Variants in PLAGL1 observed in about 807,000 individuals in gnomAD.
PLAGL1 encodes zinc finger protein PLAGL1.
A neutral mutation model predicts 4.6 loss-of-function variants in PLAGL1; 1 was observed. The ratio of observed to expected loss-of-function variants is 0.22; its 90% CI spans 0.08 to 1.03. The LOEUF (loss-of-function observed/expected upper bound fraction) is 1.03. Among genes scored for constraint, PLAGL1 ranks in the 50% least tolerant of loss-of-function variants. PLAGL1 has a pLI of 0.58. For synonymous variants in PLAGL1, 240 were observed against 237.8 expected, an observed-to-expected ratio of 1.01 and a Z score of -0.08; for missense variants, 464 against 570.4, an observed-to-expected ratio of 0.81 and a Z score of 1.90.
intron 1 of PLAGL1, among the ~76,000 whole-genome samples, chr6:144,062,727 G>A (rs955529444): frequency 6.6e-6 from 1 of 152,038 alleles, no homozygotes; most frequent in African/African-American, 2.4e-5. Context: ...TAACAGAGAG[G>A]GCTAGGGCAA....
At chr6:143,992,613 G>C (rs1267981381) in intron 1 of PLAGL1, among the ~76,000 whole-genome samples, 1 of 152,204 alleles carries the variant, frequency 6.6e-6, no homozygotes, top group African/African-American at 2.4e-5. Context: ...AACATATCTG[G>C]TAAAACATTT....
chr6:144,044,817 T>A (rs1191600957), intron 1 of PLAGL1, among the ~76,000 whole-genome samples: 1 of 152,166 alleles, frequency 6.6e-6, no homozygotes, highest in Non-Finnish European at 1.5e-5. Flanking sequence ...AGTCTCTTTT[T>A]AGGTCTCTAA....
intron 1 of PLAGL1, among the ~76,000 whole-genome samples, chr6:144,044,357 C>T (rs1177273099): frequency 3.3e-5 from 5 of 152,172 alleles, no homozygotes; most frequent in Admixed American, 6.5e-5. Flanking sequence ...AAACGTGTCC[C>T]GGAGATTCTG....
At chr6:144,044,006 G>A (rs1010102135) in intron 1 of PLAGL1, among the ~76,000 whole-genome samples, 16 of 152,260 alleles carry the variant, frequency 1.1e-4, no homozygotes, top group Admixed American at 4.6e-4. Context: ...TTGTATTTCC[G>A]TGGGATCATT....
rs1307030570 is a variant in PLAGL1, at chr6:144,022,676, G to GT, written c.-151+41791dup. ...AGATCTGATGGTTTTATGAAAGGGA[G>GT]TTCCCTTGCACAAGCTCTCTTGCCT... On this transcript the variant is annotated intron_variant, in intron 1 of 3. Transcript: ENST00000437412. This position sits in a 1 kb window ranked among gnomAD's most constrained non-coding sequence, Gnocchi z 4.2. 1.3e-5 allele frequency among the ~76,000 whole-genome samples: 2 copies of GT among 152,148 alleles called. No homozygotes were observed. The highest frequency in any genetic ancestry group is 2.4e-5 in the African/African-American group (1 of 41,424).
Position 143,979,568 on chromosome 6 carries a change from A to G in PLAGL1, c.-544+5567T>C, listed in dbSNP as rs1787442959. ...ACCATGGTGTACTTCCAAGGGATATACCAGTTCATGTAGAGTATAAAAACT... is the reference window on the plus strand; with the variant it reads ...ACCATGGTGTACTTCCAAGGGATATGCCAGTTCATGTAGAGTATAAAAACT... On this transcript the variant is annotated intron_variant, in intron 2 of 7. Coordinates refer to ENST00000674357, the MANE Select transcript of PLAGL1 (RefSeq NM_001317162.2). This position sits in a 1 kb window ranked among gnomAD's most constrained non-coding sequence, Gnocchi z 4.6. Among the ~76,000 whole-genome samples, 1 of 152,078 alleles carries G rather than the reference A, an allele frequency of 6.6e-6. No homozygotes were observed. Among genetic ancestry groups the G allele is most frequent in the Non-Finnish European group, 1.5e-5 (1 of 67,958 alleles).
rs1418953531 is a variant in PLAGL1 at position 143,971,901 on chromosome 6, G to C, written c.-543-2923C>G. ...TGGAAATATCTAAACATTACGTTGT[G>C]GTTTATTTTTAGGAAAGAATAACAG... is the stretch of plus-strand genomic sequence containing the variant. On this transcript the variant is annotated intron_variant, in intron 2 of 7. Transcript: ENST00000674357. The surrounding 1 kb of genome is among the most constrained non-coding windows in gnomAD (Gnocchi z 4.7). 1.3e-5 allele frequency among the ~76,000 whole-genome samples: 2 copies of C among 152,140 alleles called. No homozygotes were observed. Among genetic ancestry groups the C allele is most frequent in the Non-Finnish European group, 2.9e-5 (2 of 68,018 alleles).
rs773756716 is a variant in PLAGL1, at chr6:144,063,728, C to T, written c.-151+740G>A. Reference sequence around the variant, plus strand: ...GAAGCCCCAGGGGTATCTCTGTCCTCGACACAGCAGGGGCCCTACAAACCC... The same window carrying T: ...GAAGCCCCAGGGGTATCTCTGTCCTTGACACAGCAGGGGCCCTACAAACCC... On this transcript the variant is annotated intron_variant, in intron 1 of 3. Transcript: ENST00000437412. This position sits in a 1 kb window ranked among gnomAD's most constrained non-coding sequence, Gnocchi z 5.7. Among the ~76,000 whole-genome samples, 18 of 152,180 alleles carry T rather than the reference C, an allele frequency of 1.2e-4. No individual in the cohort carries two copies. The highest frequency in any genetic ancestry group is 1.9e-4 in the Non-Finnish European group (13 of 68,018).
At chr6:143,996,612 CCTT>C (rs1791671684) in intron 1 of PLAGL1, among the ~76,000 whole-genome samples, 1 of 136,098 alleles carries the variant, frequency 7.3e-6, no homozygotes, top group African/African-American at 2.8e-5. Context: ...TTATTTATTC[CCTT>C]TTTTTTTTTT....
rs1203247490 is a variant in PLAGL1, at chr6:144,053,631, A to C, written c.-151+10837T>G. ...TCCCTACAGGACTTATTTGGATAAA[A>C]AGGAAAATACTACCTTCATAAAGAA... On this transcript the variant is annotated intron_variant, in intron 1 of 3. Transcript: ENST00000437412. This position sits in a 1 kb window ranked among gnomAD's most constrained non-coding sequence, Gnocchi z 4.0. 6.6e-6 allele frequency among the ~76,000 whole-genome samples: 1 copy of C among 152,202 alleles called. No individual in the cohort carries two copies.
intron 1 of PLAGL1, among the ~76,000 whole-genome samples, chr6:144,058,220 A>G (rs372547518): frequency 2.0e-5 from 3 of 152,154 alleles, no homozygotes; most frequent in African/African-American, 7.2e-5. Flanking sequence ...ATGTCACATG[A>G]TGAGAGTAAG....
In PLAGL1 at chr6:144,030,281, A is replaced by AAAAAAAAAAAAAAAAG. The variant is rs1296064916; in HGVS notation, c.-151+34186_-151+34187insCTTTTTTTTTTTTTTT. Among the ~76,000 whole-genome samples the AAAAAAAAAAAAAAAAG allele has an allele frequency of 3.6e-4, 48 of 132,962 alleles. 5 individuals are homozygous for AAAAAAAAAAAAAAAAG. The highest frequency in any genetic ancestry group is 1.3e-3 in the African/African-American group (40 of 31,640). The allele number at this position is 132,962 out of a possible 152,430, so 87.2% of individuals were successfully genotyped here. ...AAAAAAAAAAAAAAAAAAAAAAAAA[A>AAAAAAAAAAAAAAAAG]AAGAAGATGTAAATTTTAATACAAT... On this transcript the variant is annotated intron_variant, in intron 1 of 3. Transcript: ENST00000437412.
rs1788906557 is a variant in PLAGL1 at position 143,985,875 on chromosome 6, A to AAACAACT, written c.-583-702_-583-701insAGTTGTT. Among the ~76,000 whole-genome samples, 1 of 148,676 alleles carries AAACAACT rather than the reference A, an allele frequency of 6.7e-6. No individual in the cohort carries two copies. The highest frequency in any genetic ancestry group is 6.7e-5 in the Admixed American group (1 of 14,862). On this transcript the variant is annotated intron_variant, in intron 1 of 7. Transcript: ENST00000674357. This position sits in a 1 kb window ranked among gnomAD's most constrained non-coding sequence, Gnocchi z 4.4. ...AACCTCTGAGTGCTTACCATCGGCC[A>AAACAACT]AGCTACATATTATATATTATTATGT...
Position 143,983,793 on chromosome 6 carries a change from G to C in PLAGL1, c.-544+1342C>G, listed in dbSNP as rs1339620012. 3.9e-5 allele frequency among the ~76,000 whole-genome samples: 6 copies of C among 152,118 alleles called. No individual in the cohort carries two copies. The highest frequency in any genetic ancestry group is 2.6e-4 in the Admixed American group (4 of 15,268). ...GTGTTGGAGTGGGAGGACAGATGGA[G>C]AATGGGGTGCTGGGACTCAAGATCA... On this transcript the variant is annotated intron_variant, in intron 2 of 7. Transcript: ENST00000674357. This position sits in a 1 kb window ranked among gnomAD's most constrained non-coding sequence, Gnocchi z 6.6.
In PLAGL1 at chr6:143,965,600, T is replaced by C. The variant is rs1784277921; in HGVS notation, c.-431+558A>G. On this transcript the variant is annotated intron_variant, in intron 4 of 7. Coordinates refer to ENST00000674357, the MANE Select transcript of PLAGL1 (RefSeq NM_001317162.2). This position sits in a 1 kb window ranked among gnomAD's most constrained non-coding sequence, Gnocchi z 7.5. ...GGCACAAAGCCCCCTCTAGCTATTT[T>C]AGTTATAAGGAGGTGGGAACGCTGT... The C allele has an allele frequency of 6.6e-6, 1 of 152,200 alleles. No individual in the cohort carries two copies. The allele number at this position is 152,200 out of a possible 1,614,324, so 9.4% of individuals were successfully genotyped here. A position where few individuals can be genotyped will look rare whatever the true frequency, so the allele number is the denominator to read the frequency against.
At chr6:143,943,058 G>A (rs1004769058) in intron 7 of PLAGL1, among the ~76,000 whole-genome samples, 9 of 7,758 alleles carry the variant, frequency 1.2e-3, no homozygotes, top group Admixed American at 2.4e-3. Flanking sequence ...TTTGAGACAA[G>A]GTCTCACTAT....
At position 143,941,243 on chromosome 6, in the gene PLAGL1, A is replaced by G; in HGVS notation, c.*181T>C. ...ATTAAATTTGGTACAAAGCATGAACACTCAGGACAGATTGGCACAATACAT... is the reference window on the plus strand; with the variant it reads ...ATTAAATTTGGTACAAAGCATGAACGCTCAGGACAGATTGGCACAATACAT... On this transcript the variant is annotated 3_prime_UTR_variant, in exon 8 of 8. Coordinates refer to ENST00000674357, the MANE Select transcript of PLAGL1 (RefSeq NM_001317162.2). This position sits in a 1 kb window ranked among gnomAD's most constrained non-coding sequence, Gnocchi z 6.0. The G allele has an allele frequency of 2.0e-6, 1 of 498,848 alleles. No homozygotes were observed. The highest frequency in any genetic ancestry group is 3.5e-6 in the Non-Finnish European group (1 of 289,154). 30.9% of individuals were successfully genotyped at this position (498,848 alleles called of 1,614,324 possible). A position where few individuals can be genotyped will look rare whatever the true frequency, so the allele number is the denominator to read the frequency against.
intron 1 of PLAGL1, among the ~76,000 whole-genome samples, chr6:144,041,733 T>C (rs997732250): frequency 3.3e-5 from 5 of 152,228 alleles, no homozygotes; most frequent in African/African-American, 1.2e-4. Context: ...ATGGTAGTTC[T>C]AGTTCTAGAT....
chr6:143,954,517 T>G lies in PLAGL1; in HGVS notation c.-325+5952A>C, dbSNP rs1781724433. On this transcript the variant is annotated intron_variant, in intron 6 of 7. Transcript: ENST00000674357. This position sits in a 1 kb window ranked among gnomAD's most constrained non-coding sequence, Gnocchi z 5.1. ...AGAGAGCATCTGAGAGTCAACACCA[T>G]GAGGCAGCCTCTTATAACTCAGCTA... 6.6e-6 allele frequency among the ~76,000 whole-genome samples: 1 copy of G among 152,188 alleles called. No individual in the cohort carries two copies. Among genetic ancestry groups the G allele is most frequent in the African/African-American group, 2.4e-5 (1 of 41,460 alleles).
Sources: allele counts gnomAD v4.1 joint callset (sites outside exome capture counted in the v4.1 genomes callset), GRCh38; gene constraint gnomAD v4.1.1; non-coding constraint Gnocchi (gnomAD v3.1); transcripts MANE v1.5; gene names NCBI Gene and HGNC (gene_info 2026-07-23, HGNC 2026-07-21).